MYO1B: variants seen among roughly 807,000 people sequenced by gnomAD.
MYO1B encodes the protein myosin IB.
MYO1B carries 72 observed loss-of-function variants against 159.7 expected under a neutral mutation model. The ratio of observed to expected loss-of-function variants is 0.45; its 90% confidence interval spans 0.37 to 0.55. MYO1B has a LOEUF of 0.55. Ranked by LOEUF, MYO1B falls within the 20% of genes least tolerant of loss-of-function variation. The probability of loss-of-function intolerance (pLI) is 0.00; values close to 1 mark genes in which losing one functional copy is unlikely to be tolerated. For synonymous variants in MYO1B, 468 were observed against 473.8 expected (o/e 0.99, Z 0.16); for missense variants, 1,062 against 1,364.8 (o/e 0.78, Z 3.50).
intron 26 of MYO1B, among the ~76,000 whole-genome samples, chr2:191,410,560 A>G (rs1039698283): frequency 6.6e-6 from 1 of 152,344 alleles, no homozygotes; most frequent in East Asian, 1.9e-4. Flanking sequence ...CATGAAATCA[A>G]TTTAGTGGAT....
intron 19 of MYO1B, 120 bp from the exon 20 acceptor site, chr2:191,392,953 T>C: frequency 1.2e-6 from 1 of 823,232 alleles, no homozygotes; most frequent in Non-Finnish European, 1.9e-6. Flanking sequence ...GGTTTTTCAG[T>C]TCTTTTTTTC....
chr2:191,297,321 C>T (rs112164279), intron 3 of MYO1B, among the ~76,000 whole-genome samples: 32 of 152,248 alleles, frequency 2.1e-4, no homozygotes, highest in Admixed American at 6.5e-4. Context: ...AAGGGGCCCA[C>T]GGTGTCTTGC....
At chr2:191,371,501 AT>A (rs1299050800) in intron 13 of MYO1B, among the ~76,000 whole-genome samples, 1 of 152,196 alleles carries the variant, frequency 6.6e-6, no homozygotes, top group Admixed American at 6.5e-5. Flanking sequence ...AGTAGCTGTT[AT>A]TATTATGAAT....
At chr2:191,374,251 C>T (rs1325871977) in intron 13 of MYO1B, among the ~76,000 whole-genome samples, 1 of 152,136 alleles carries the variant, frequency 6.6e-6, no homozygotes, top group Non-Finnish European at 1.5e-5. Flanking sequence ...TATTCAGATC[C>T]ACATCAAGGC....
rs1223173260 is a variant in MYO1B at position 191,424,174 on chromosome 2, A to C, written c.*214A>C. The C allele has an allele frequency of 5.6e-6, 3 of 534,644 alleles. No homozygotes were observed. The highest frequency in any genetic ancestry group is 9.7e-6 in the Non-Finnish European group (3 of 310,340). 33.1% of individuals were successfully genotyped at this position (534,644 alleles called of 1,614,324 possible). On this transcript the variant is annotated 3_prime_UTR_variant, in exon 31 of 31. Transcript: ENST00000392318. Reference sequence around the variant, plus strand: ...TCCTGGAGCAGGATTGTAGAAACTAACAGTGTCTATTTTCATGTCTGATGT... The same window carrying C: ...TCCTGGAGCAGGATTGTAGAAACTACCAGTGTCTATTTTCATGTCTGATGT...
chr2:191,394,055 T>G (rs1444178140), intron 20 of MYO1B, among the ~76,000 whole-genome samples: 2 of 152,260 alleles, frequency 1.3e-5, no homozygotes, highest in Non-Finnish European at 2.9e-5. Context: ...TAATACATTT[T>G]AGTTTATTAT....
chr2:191,415,240 A>G (rs1393736136), intron 29 of MYO1B, among the ~76,000 whole-genome samples: 1 of 152,202 alleles, frequency 6.6e-6, no homozygotes, highest in African/African-American at 2.4e-5. Context: ...TGTTGTAAGG[A>G]TTAAGGATTA....
rs1048378619 is a variant in MYO1B, at chr2:191,314,795, G to A, written c.252-15140G>A. ...GAAAAGATTACAGAAGAATATTTTT[G>A]TTAAGAAAGGAGAAGAATATTGGGT... is the stretch of plus-strand genomic sequence containing the variant. On this transcript the variant is annotated intron_variant, in intron 3 of 30. Coordinates refer to ENST00000392318, the MANE Select transcript of MYO1B (RefSeq NM_001130158.3). Among the ~76,000 whole-genome samples the A allele has an allele frequency of 9.2e-5, 14 of 152,196 alleles. 1 individual carries two copies. The highest frequency in any genetic ancestry group is 2.0e-4 in the Admixed American group (3 of 15,276).
intron 1 of MYO1B, among the ~76,000 whole-genome samples, chr2:191,261,909 C>T: frequency 6.6e-6 from 1 of 152,124 alleles, no homozygotes; most frequent in East Asian, 1.9e-4. Context: ...TTTAAAATGA[C>T]TTGTTTAGGT....
intron 4 of MYO1B, among the ~76,000 whole-genome samples, chr2:191,336,937 T>C (rs1403571619): frequency 6.6e-6 from 1 of 152,168 alleles, no homozygotes; most frequent in African/African-American, 2.4e-5. Flanking sequence ...TGGCCCTCTC[T>C]ATATGCCATA....
chr2:191,390,986 C>A (rs1296564217), intron 18 of MYO1B, among the ~76,000 whole-genome samples: 1 of 152,228 alleles, frequency 6.6e-6, no homozygotes, highest in Admixed American at 6.5e-5. Flanking sequence ...TAGCTTGGAC[C>A]CAGGGCCATA....
chr2:191,340,887 G>A (rs1038866929), intron 4 of MYO1B, among the ~76,000 whole-genome samples: 18 of 151,918 alleles, frequency 1.2e-4, no homozygotes, highest in African/African-American at 3.9e-4. Flanking sequence ...CACCATGCCC[G>A]GCTTATTTTT....
intron 5 of MYO1B, among the ~76,000 whole-genome samples, chr2:191,343,786 G>T (rs1413158494): frequency 6.6e-6 from 1 of 152,182 alleles, no homozygotes; most frequent in Non-Finnish European, 1.5e-5. Flanking sequence ...GGAAATAGAA[G>T]AAATGTCTAC....
chr2:191,418,683 T>G (rs1157783744), intron 30 of MYO1B, among the ~76,000 whole-genome samples: 2 of 152,054 alleles, frequency 1.3e-5, no homozygotes, highest in Non-Finnish European at 2.9e-5. Flanking sequence ...GAGATGGGGT[T>G]TCTCCATGTT....
At chr2:191,280,669 G>A (rs1688006167) in intron 2 of MYO1B, among the ~76,000 whole-genome samples, 1 of 152,138 alleles carries the variant, frequency 6.6e-6, no homozygotes, top group Non-Finnish European at 1.5e-5. Flanking sequence ...TAAGATTGGA[G>A]TTGAACCAGA....
chr2:191,335,917 G>A (rs1410335894), intron 4 of MYO1B, among the ~76,000 whole-genome samples: 2 of 152,100 alleles, frequency 1.3e-5, no homozygotes, highest in African/African-American at 4.8e-5. Context: ...GTCCTTTGGG[G>A]TGCTATTTAA....
intron 3 of MYO1B, among the ~76,000 whole-genome samples, chr2:191,320,335 A>T (rs1690623832): frequency 6.6e-6 from 1 of 152,174 alleles, no homozygotes; most frequent in Admixed American, 6.5e-5. Context: ...TGAATTAAGG[A>T]GTACTGAATT....
intron 13 of MYO1B, among the ~76,000 whole-genome samples, chr2:191,371,804 C>T (rs1432610888): frequency 2.0e-5 from 3 of 152,188 alleles, no homozygotes; most frequent in Non-Finnish European, 4.4e-5. Flanking sequence ...TTGGGTGCTT[C>T]GTAGATGGAA....
At chr2:191,320,067 G>A (rs533771241) in intron 3 of MYO1B, among the ~76,000 whole-genome samples, 10 of 152,236 alleles carry the variant, frequency 6.6e-5, no homozygotes, top group African/African-American at 2.4e-4. Flanking sequence ...GGAAGGTATT[G>A]GGTGGCTGGA....
Sources: gnomAD v4.1 joint callset for allele counts (sites outside exome capture counted in the v4.1 genomes callset) on GRCh38, gnomAD v4.1.1 for gene constraint, MANE v1.5 for transcripts, NCBI Gene and HGNC (gene_info 2026-07-23, HGNC 2026-07-21) for gene names.